KHDRBS2: variants seen among roughly 807,000 people sequenced by gnomAD.
KHDRBS2 encodes the protein KH domain-containing, RNA-binding, signal transduction-associated protein 2.
In KHDRBS2, 26 loss-of-function variants were observed where a neutral mutation model predicts 44.3. The ratio of observed to expected loss-of-function variants is 0.59; its 90% CI spans 0.43 to 0.81. The LOEUF (loss-of-function observed/expected upper bound fraction) is 0.81, where lower values mean the gene tolerates loss of function less well. KHDRBS2 is among the 40% of genes least tolerant of loss of function. The probability of loss-of-function intolerance (pLI) is 0.00; values close to 1 mark genes in which losing one functional copy is unlikely to be tolerated. For missense variants in KHDRBS2, 476 were observed against 433.1 expected (o/e 1.10, Z -0.88); for synonymous variants, 194 against 151.1 (o/e 1.28, Z -2.08).
At chr6:62,051,309 T>C (rs1788980315) in intron 2 of KHDRBS2, among the ~76,000 whole-genome samples, 1 of 152,032 alleles carries the variant, frequency 6.6e-6, no homozygotes, top group Non-Finnish European at 1.5e-5. Flanking sequence ...TCATGTAAAA[T>C]ATTTTTGAAA....
At chr6:61,643,252 A>C in the KHDRBS2 span, among the ~76,000 whole-genome samples, 3 of 152,184 alleles carry the variant, frequency 2.0e-5, no homozygotes, top group Non-Finnish European at 4.4e-5. Context: ...TTTTATGATA[A>C]AATTTAGCAA....
intron 2 of KHDRBS2, among the ~76,000 whole-genome samples, chr6:62,102,503 G>A (rs1033667247): frequency 1.3e-5 from 2 of 152,176 alleles, no homozygotes; most frequent in African/African-American, 2.4e-5. Context: ...CTCGGCCCCA[G>A]AGGGCTGAAG....
intron 6 of KHDRBS2, among the ~76,000 whole-genome samples, chr6:61,795,759 T>C (rs1171242092): frequency 2.6e-5 from 4 of 152,160 alleles, no homozygotes; most frequent in African/African-American, 9.7e-5. Flanking sequence ...GAGTATATAT[T>C]TGAGCAACAG....
intron 4 of KHDRBS2, among the ~76,000 whole-genome samples, chr6:61,905,055 G>T (rs1483191484): frequency 1.3e-5 from 2 of 152,174 alleles, no homozygotes; most frequent in Admixed American, 6.5e-5. Context: ...AGTGGTTAGA[G>T]AATGGTTAAA....
chr6:61,700,842 C>G (rs1227977832), intron 7 of KHDRBS2, among the ~76,000 whole-genome samples: 1 of 151,718 alleles, frequency 6.6e-6, no homozygotes, highest in South Asian at 2.1e-4. Flanking sequence ...GTACCTCTGC[C>G]TCTAAAAGAT....
At chr6:61,710,275 C>G (rs1562005944) in intron 7 of KHDRBS2, among the ~76,000 whole-genome samples, 1 of 151,692 alleles carries the variant, frequency 6.6e-6, no homozygotes, top group Non-Finnish European at 1.5e-5. Context: ...TGATTAGAAG[C>G]ATTATAAAGC....
intron 6 of KHDRBS2, among the ~76,000 whole-genome samples, chr6:61,832,263 G>T (rs1021406784): frequency 2.6e-5 from 4 of 152,042 alleles, no homozygotes; most frequent in African/African-American, 9.7e-5. Context: ...GGAAAGTATT[G>T]AATGGTCTAA....
chr6:61,578,091 G>T, the KHDRBS2 span, among the ~76,000 whole-genome samples: 1 of 152,174 alleles, frequency 6.6e-6, no homozygotes, highest in Non-Finnish European at 1.5e-5. Context: ...CCAGAAAAAA[G>T]GCTGAATGTT....
intron 1 of KHDRBS2, among the ~76,000 whole-genome samples, chr6:62,211,996 G>A: frequency 6.6e-6 from 1 of 152,152 alleles, no homozygotes; most frequent in Non-Finnish European, 1.5e-5. Context: ...ATGAGATCAT[G>A]TCCTTTGCAG....
At chr6:62,094,693 T>C (rs187997060) in intron 2 of KHDRBS2, among the ~76,000 whole-genome samples, 11 of 152,050 alleles carry the variant, frequency 7.2e-5, no homozygotes, top group Admixed American at 6.5e-4. Flanking sequence ...GTAGTTTCAG[T>C]TCTTATATTT....
chr6:61,773,326 C>A (rs373507952), intron 6 of KHDRBS2, among the ~76,000 whole-genome samples: 1 of 151,960 alleles, frequency 6.6e-6, no homozygotes, highest in African/African-American at 2.4e-5. Context: ...TTTTAATGAT[C>A]GCCATTCTAA....
chr6:61,763,798 A>G (rs1779610317), intron 6 of KHDRBS2, among the ~76,000 whole-genome samples: 1 of 152,150 alleles, frequency 6.6e-6, no homozygotes, highest in Non-Finnish European at 1.5e-5. Context: ...TGGGCTGATA[A>G]AAACTATTTT....
chr6:62,009,950 C>T (rs1291884857), intron 3 of KHDRBS2, among the ~76,000 whole-genome samples: 2 of 152,156 alleles, frequency 1.3e-5, no homozygotes, highest in African/African-American at 2.4e-5. Flanking sequence ...AGCCCCCATA[C>T]AGAGTCCTCA....
chr6:62,082,007 A>T (rs980689171), intron 2 of KHDRBS2, among the ~76,000 whole-genome samples: 2 of 152,148 alleles, frequency 1.3e-5, no homozygotes, highest in African/African-American at 4.8e-5. Context: ...TACATCAAAA[A>T]CACAATAGGG....
the KHDRBS2 span, among the ~76,000 whole-genome samples, chr6:61,570,085 T>C: frequency 1.3e-5 from 2 of 152,044 alleles, no homozygotes; most frequent in African/African-American, 2.4e-5. Flanking sequence ...GAAATCTCTG[T>C]AGTTCTAGAT....
At chr6:62,151,338 C>T (rs1467733390) in intron 2 of KHDRBS2, among the ~76,000 whole-genome samples, 2 of 152,148 alleles carry the variant, frequency 1.3e-5, no homozygotes, top group Admixed American at 1.3e-4. Flanking sequence ...ACACACAATC[C>T]ATCTGTTTCT....
chr6:61,764,541 T>G (rs1163597158), intron 6 of KHDRBS2, among the ~76,000 whole-genome samples: 7 of 152,194 alleles, frequency 4.6e-5, no homozygotes, highest in Admixed American at 4.6e-4. Context: ...CAGCATCTGT[T>G]GTTTCTTGAC....
Position 61,800,679 on chromosome 6 carries a change from G to A in KHDRBS2, c.811-67915C>T, listed in dbSNP as rs575782417. 4.6e-5 allele frequency among the ~76,000 whole-genome samples: 7 copies of A among 152,108 alleles called. No individual in the cohort carries two copies. The East Asian group carries it at 1.2e-3, about 25-fold the overall frequency. On this transcript the variant is annotated intron_variant, in intron 6 of 8. Transcript: ENST00000281156. ...GGGGTCTATTCTACTTGCAGGCAGGGGACATAGCCTTCATGTGTCCACCCT... is the reference window on the plus strand; with the variant it reads ...GGGGTCTATTCTACTTGCAGGCAGGAGACATAGCCTTCATGTGTCCACCCT...
intron 1 of KHDRBS2, among the ~76,000 whole-genome samples, chr6:62,252,034 G>C (rs992903223): frequency 3.3e-5 from 5 of 151,716 alleles, no homozygotes; most frequent in African/African-American, 1.2e-4. Flanking sequence ...GAAGATTCTT[G>C]GCATAGCATT....
Sources: gnomAD v4.1 joint callset for allele counts (sites outside exome capture counted in the v4.1 genomes callset) on GRCh38, gnomAD v4.1.1 for gene constraint, MANE v1.5 for transcripts, NCBI Gene and HGNC (gene_info 2026-07-23, HGNC 2026-07-21) for gene names.